Variants in GRIK2 observed in about 807,000 individuals in gnomAD.
GRIK2 encodes the protein glutamate receptor ionotropic, kainate 2.
Under a neutral mutation model 100.3 loss-of-function variants are expected in GRIK2, and 32 were observed. That is an observed-to-expected ratio of 0.32 (90% CI 0.24 to 0.43). The LOEUF is 0.43. Ranked by LOEUF, GRIK2 falls within the 20% of genes least tolerant of loss-of-function variation. The probability of loss-of-function intolerance (pLI) is 1.00; values close to 1 mark genes in which losing one functional copy is unlikely to be tolerated. For missense variants in GRIK2, 843 were observed against 1,114.9 expected, an observed-to-expected ratio of 0.76 and a Z score of 3.47; for synonymous variants, 417 against 389.4, an observed-to-expected ratio of 1.07 and a Z score of -0.83.
intron 2 of GRIK2, among the ~76,000 whole-genome samples, chr6:101,419,235 C>A (rs1406098394): frequency 1.3e-5 from 2 of 152,192 alleles, no homozygotes; most frequent in Non-Finnish European, 2.9e-5. Context: ...ATTCCTCACA[C>A]CTTTCACCTT....
chr6:101,684,742 G>A (rs530311117), intron 6 of GRIK2, among the ~76,000 whole-genome samples: 4 of 148,632 alleles, frequency 2.7e-5, no homozygotes, highest in South Asian at 2.1e-4. Context: ...TTTTGCTTTG[G>A]TTTGATAAAG....
At chr6:101,984,973 C>T (rs897172230) in intron 14 of GRIK2, among the ~76,000 whole-genome samples, 1 of 151,628 alleles carries the variant, frequency 6.6e-6, no homozygotes, top group Non-Finnish European at 1.5e-5. Flanking sequence ...CACATCTTAT[C>T]TTCCTCTCTG....
At chr6:101,764,472 G>A (rs1474144382) in intron 7 of GRIK2, among the ~76,000 whole-genome samples, 1 of 152,016 alleles carries the variant, frequency 6.6e-6, no homozygotes, top group Non-Finnish European at 1.5e-5. Flanking sequence ...AGATGAGAAA[G>A]TGAAAAGTGC....
At chr6:101,634,177 T>C (rs1780898830) in intron 4 of GRIK2, among the ~76,000 whole-genome samples, 1 of 152,068 alleles carries the variant, frequency 6.6e-6, no homozygotes, top group Admixed American at 6.6e-5. Flanking sequence ...GAGATGACAG[T>C]TTCAATTAAG....
At chr6:101,715,327 A>G (rs1583010850) in intron 7 of GRIK2, among the ~76,000 whole-genome samples, 1 of 151,774 alleles carries the variant, frequency 6.6e-6, no homozygotes, top group Non-Finnish European at 1.5e-5. Flanking sequence ...GATACAGGAC[A>G]TGATAGGGAC....
chr6:101,586,892 C>CAAAAAAA (rs1199378638), intron 2 of GRIK2, among the ~76,000 whole-genome samples: 787 of 53,940 alleles, frequency 0.015, 65 homozygotes, highest in African/African-American at 0.041. Context: ...TCTGTCTTAA[C>CAAAAAAA]AAAAAAAAAA....
At chr6:102,046,234 G>A (rs1231828524) in intron 15 of GRIK2, among the ~76,000 whole-genome samples, 1 of 151,860 alleles carries the variant, frequency 6.6e-6, no homozygotes, top group African/African-American at 2.4e-5. Context: ...AATAGTAAAA[G>A]GCACCAATAC....
chr6:101,572,380 A>G (rs1157726714), intron 2 of GRIK2, among the ~76,000 whole-genome samples: 1 of 152,104 alleles, frequency 6.6e-6, no homozygotes, highest in African/African-American at 2.4e-5. Context: ...TGAGTTTGCA[A>G]TCATTGTGAT....
At chr6:101,976,822 C>T (rs1793407625) in intron 14 of GRIK2, among the ~76,000 whole-genome samples, 1 of 149,948 alleles carries the variant, frequency 6.7e-6, no homozygotes, top group Non-Finnish European at 1.5e-5. Flanking sequence ...AAAAAAACAA[C>T]TGTAGTGGGA....
intron 14 of GRIK2, among the ~76,000 whole-genome samples, chr6:101,941,779 C>G (rs1053010605): frequency 6.6e-6 from 1 of 151,900 alleles, no homozygotes; most frequent in African/African-American, 2.4e-5. Context: ...AAAAATTGCC[C>G]ATAGTTTACA....
chr6:101,700,561 ACTAACT>A (rs1562319856), intron 7 of GRIK2, among the ~76,000 whole-genome samples: 1 of 152,096 alleles, frequency 6.6e-6, no homozygotes, highest in Non-Finnish European at 1.5e-5. Flanking sequence ...TTTGCCTTAC[ACTAACT>A]CTAAGTCTCA....
chr6:101,404,644 G>C (rs1208613569), intron 2 of GRIK2, among the ~76,000 whole-genome samples: 3 of 152,154 alleles, frequency 2.0e-5, no homozygotes, highest in African/African-American at 7.2e-5. Context: ...AATACTTAGG[G>C]CTTGCAGGAG....
At chr6:101,511,391 A>G (rs947373975) in intron 2 of GRIK2, among the ~76,000 whole-genome samples, 1 of 152,134 alleles carries the variant, frequency 6.6e-6, no homozygotes, top group African/African-American at 2.4e-5. Context: ...AAAATATTAT[A>G]ATTAGATTGC....
chr6:101,462,533 T>C (rs1429970026), intron 2 of GRIK2, among the ~76,000 whole-genome samples: 2 of 152,226 alleles, frequency 1.3e-5, no homozygotes, highest in African/African-American at 2.4e-5. Flanking sequence ...TATAAAATGT[T>C]ATTTTTCTTA....
At chr6:101,425,073 C>T (rs1463899181) in intron 2 of GRIK2, among the ~76,000 whole-genome samples, 2 of 147,978 alleles carry the variant, frequency 1.4e-5, no homozygotes, top group African/African-American at 4.9e-5. Flanking sequence ...CATTGTTGGA[C>T]ATGTGGGTTG....
At chr6:101,836,670 T>A (rs1245017720) in intron 10 of GRIK2, among the ~76,000 whole-genome samples, 2,411 of 118,934 alleles carry the variant, frequency 0.02, 55 homozygotes, top group Non-Finnish European at 0.03. Flanking sequence ...TATTTTTTTT[T>A]TTTTTTTTTT....
chr6:101,591,689 G>A (rs1443581869), intron 2 of GRIK2, among the ~76,000 whole-genome samples: 3 of 151,992 alleles, frequency 2.0e-5, no homozygotes, highest in African/African-American at 7.2e-5. Context: ...CATATTAACA[G>A]TGAAATAATG....
intron 7 of GRIK2, among the ~76,000 whole-genome samples, chr6:101,794,662 C>G (rs539845849): frequency 1.3e-5 from 2 of 150,550 alleles, no homozygotes; most frequent in South Asian, 2.1e-4. Flanking sequence ...TTTCTGTGTT[C>G]TCTGTGTCTC....
At chr6:101,506,275 A>C (rs572569366) in intron 2 of GRIK2, among the ~76,000 whole-genome samples, 2 of 152,246 alleles carry the variant, frequency 1.3e-5, no homozygotes, top group African/African-American at 4.8e-5. Flanking sequence ...TTTTCTTCCA[A>C]GTAAAAGAAG....
Sources: gnomAD v4.1 joint callset for allele counts (sites outside exome capture counted in the v4.1 genomes callset) on GRCh38, gnomAD v4.1.1 for gene constraint, MANE v1.5 for transcripts, NCBI Gene and HGNC (gene_info 2026-07-23, HGNC 2026-07-21) for gene names.